DTL: variants seen among roughly 807,000 people sequenced by gnomAD.
DTL encodes denticleless protein homolog.
In DTL, 46 loss-of-function variants were observed where a neutral mutation model predicts 87.0. The observed-to-expected ratio is 0.53, with a 90% CI of 0.42 to 0.68. The LOEUF is 0.68. Ranked by LOEUF, DTL falls within the 30% of genes least tolerant of loss-of-function variation. The probability of loss-of-function intolerance (pLI) is 0.00; values close to 1 mark genes in which losing one functional copy is unlikely to be tolerated. For missense variants in DTL, 737 were observed against 869.4 expected, an observed-to-expected ratio of 0.85 and a Z score of 1.91; for synonymous variants, 308 against 311.2, an observed-to-expected ratio of 0.99 and a Z score of 0.11.
intron 5 of DTL, among the ~76,000 whole-genome samples, chr1:212,057,772 T>C (rs932346557): frequency 1.3e-5 from 2 of 152,134 alleles, no homozygotes; most frequent in Non-Finnish European, 2.9e-5. Flanking sequence ...AAACTTTCCA[T>C]TTGAAAAGTA....
chr1:212,084,974 A>C (rs903637684), intron 13 of DTL, among the ~76,000 whole-genome samples: 3 of 152,194 alleles, frequency 2.0e-5, no homozygotes, highest in African/African-American at 7.2e-5. Context: ...ATTTTCCCAT[A>C]TACTTTTATC....
chr1:212,085,703 G>A (rs1293556977), intron 13 of DTL, among the ~76,000 whole-genome samples: 2 of 152,280 alleles, frequency 1.3e-5, no homozygotes, highest in Non-Finnish European at 2.9e-5. Context: ...TTAAATCAAA[G>A]AAACTATTGC....
At chr1:212,101,467 C>T (rs144448506) in intron 14 of DTL, among the ~76,000 whole-genome samples, 2 of 152,302 alleles carry the variant, frequency 1.3e-5, no homozygotes, top group African/African-American at 2.4e-5. Flanking sequence ...TCCTGTTAGA[C>T]AGTATGCCAT....
intron 5 of DTL, among the ~76,000 whole-genome samples, chr1:212,057,364 A>G (rs1668209383): frequency 6.6e-6 from 1 of 150,992 alleles, no homozygotes; most frequent in Non-Finnish European, 1.5e-5. Flanking sequence ...CTTAAAGAAA[A>G]AAAAAAAAAC....
chr1:212,092,407 G>A (rs1571980971), intron 13 of DTL, among the ~76,000 whole-genome samples: 2 of 152,272 alleles, frequency 1.3e-5, no homozygotes, highest in East Asian at 3.9e-4. Context: ...GTGCATGCCT[G>A]TAGTCCCAGC....
At chr1:212,074,514 CGT>C (rs1473888670) in intron 11 of DTL, among the ~76,000 whole-genome samples, 1 of 152,026 alleles carries the variant, frequency 6.6e-6, no homozygotes, top group Non-Finnish European at 1.5e-5. Flanking sequence ...TGTTGAATGA[CGT>C]GGTTCAGACG....
At chr1:212,052,552 G>A (rs916288276) in intron 5 of DTL, among the ~76,000 whole-genome samples, 13 of 149,558 alleles carry the variant, frequency 8.7e-5, no homozygotes, top group East Asian at 5.9e-4. Context: ...CAGGAGAATC[G>A]CTTGAACCTG....
chr1:212,081,281 A>G (rs1654983590), intron 13 of DTL, among the ~76,000 whole-genome samples: 2 of 152,184 alleles, frequency 1.3e-5, no homozygotes, highest in African/African-American at 2.4e-5. Flanking sequence ...TATTTTAAAG[A>G]AGAATATTCC....
chr1:212,063,438 G>A (rs140286313), intron 6 of DTL, among the ~76,000 whole-genome samples: 5,134 of 151,594 alleles, frequency 0.034, 298 homozygotes, highest in African/African-American at 0.12. Context: ...ACAGCCACCC[G>A]CCACCATGCC....
intron 8 of DTL, among the ~76,000 whole-genome samples, chr1:212,067,246 T>A (rs1347848782): frequency 6.6e-6 from 1 of 152,246 alleles, no homozygotes; most frequent in Non-Finnish European, 1.5e-5. Context: ...ACTTTGGGTT[T>A]TGTCTTTTTC....
Position 212,088,679 on chromosome 1 carries a change from A to G in DTL, c.1261+7929A>G, listed in dbSNP as rs773815179. Reference sequence around the variant, plus strand: ...AAAACCACATGAACAAAGAAATGTGACAGTACACAGCTTGTTCAGGAAGCA... The same window carrying G: ...AAAACCACATGAACAAAGAAATGTGGCAGTACACAGCTTGTTCAGGAAGCA... On this transcript the variant is annotated intron_variant, in intron 13 of 14. Transcript: ENST00000366991. Among the ~76,000 whole-genome samples, 56 of 152,260 alleles carry G rather than the reference A, an allele frequency of 3.7e-4. 2 individuals carry two copies. Among genetic ancestry groups the G allele is most frequent in the Admixed American group, 1.2e-3 (19 of 15,290 alleles).
chr1:212,051,421 A>G (rs1321175629), intron 5 of DTL: 3 of 390,732 alleles, frequency 7.7e-6, no homozygotes, highest in Non-Finnish European at 1.3e-5. Flanking sequence ...CTCGAAGGAC[A>G]TTTTTGTTGG....
intron 11 of DTL, among the ~76,000 whole-genome samples, chr1:212,076,685 T>G (rs1384616699): frequency 6.6e-6 from 1 of 152,144 alleles, no homozygotes; most frequent in African/African-American, 2.4e-5. Flanking sequence ...GTTTGGACCT[T>G]GGGTGAAGAG....
intron 13 of DTL, 50 bp from the exon 14 acceptor site, chr1:212,100,202 C>T (rs745633836): frequency 1.4e-6 from 2 of 1,406,846 alleles, no homozygotes; most frequent in African/African-American, 1.4e-5. Context: ...AATTTAGGGA[C>T]TTTGTATGGC....
rs1041737214 is a variant in DTL, at chr1:212,062,517, T to C, written c.461-367T>C. 2.0e-5 allele frequency among the ~76,000 whole-genome samples: 3 copies of C among 152,326 alleles called. No homozygotes were observed. The East Asian group carries it at 5.8e-4, about 29-fold the overall frequency. On this transcript the variant is annotated intron_variant, in intron 5 of 14. Transcript: ENST00000366991. ...CTCTCTTGGTACTTACCTAATAAGG[T>C]TGATAGCAAGGATTGAGATAATTTT...
chr1:212,084,475 C>G (rs1435605339), intron 13 of DTL, among the ~76,000 whole-genome samples: 5 of 152,046 alleles, frequency 3.3e-5, no homozygotes, highest in Non-Finnish European at 7.4e-5. Flanking sequence ...CGTGAGCCAC[C>G]GTGCCCAGCC....
chr1:212,041,453 C>T (rs1667639398), intron 1 of DTL, among the ~76,000 whole-genome samples: 2 of 135,062 alleles, frequency 1.5e-5, no homozygotes, highest in Admixed American at 1.7e-4. Flanking sequence ...TGTTTTTACA[C>T]ACTTATTCCG....
chr1:212,046,331 G>A (rs1439584334), intron 3 of DTL, among the ~76,000 whole-genome samples: 2 of 152,118 alleles, frequency 1.3e-5, no homozygotes, highest in African/African-American at 4.8e-5. Context: ...AGGACATGCA[G>A]GTTTGTTACG....
intron 13 of DTL, among the ~76,000 whole-genome samples, chr1:212,082,734 A>G (rs868503941): frequency 6.6e-6 from 1 of 152,118 alleles, no homozygotes. Flanking sequence ...TTAACTGCGA[A>G]TGAGGATAAG....
Sources: allele counts gnomAD v4.1 joint callset (sites outside exome capture counted in the v4.1 genomes callset), GRCh38; gene constraint gnomAD v4.1.1; transcripts MANE v1.5; gene names NCBI Gene and HGNC (gene_info 2026-07-23, HGNC 2026-07-21).